The following ZBTB20 variants were observed in gnomAD, a reference collection of about 807,000 sequenced individuals.
ZBTB20 encodes zinc finger and BTB domain-containing protein 20.
Under a neutral mutation model 56.9 loss-of-function variants are expected in ZBTB20, and 9 were observed. The ratio of observed to expected loss-of-function variants is 0.16; its 90% CI spans 0.10 to 0.28. The LOEUF is 0.28. ZBTB20 is among the 10% of genes least tolerant of loss of function. ZBTB20 has a pLI of 1.00. For synonymous variants in ZBTB20, 417 were observed against 420.7 expected (o/e 0.99, Z 0.11); for missense variants, 655 against 1,003.0 (o/e 0.65, Z 4.69).
intron 6 of ZBTB20, among the ~76,000 whole-genome samples, chr3:114,527,660 T>C (rs2047380971): frequency 1.3e-5 from 2 of 152,228 alleles, no homozygotes; most frequent in Admixed American, 6.5e-5. Context: ...ACAGCTGTAC[T>C]GTATTTAACA....
intron 3 of ZBTB20, among the ~76,000 whole-genome samples, chr3:114,913,280 CG>C (rs1265933234): frequency 6.6e-6 from 1 of 151,948 alleles, no homozygotes; most frequent in Non-Finnish European, 1.5e-5. Context: ...GTCATTTTAA[CG>C]GGAGTTAGAT....
chr3:114,631,791 C>A (rs922221811), intron 6 of ZBTB20, among the ~76,000 whole-genome samples: 1 of 152,110 alleles, frequency 6.6e-6, no homozygotes. Context: ...AGAGAAGCAT[C>A]AATAAATGAC....
In ZBTB20 at chr3:114,451,358, G is replaced by T. The variant is rs568214846; in HGVS notation, c.-255+48994C>A. Among the ~76,000 whole-genome samples the T allele has an allele frequency of 5.3e-5, 8 of 152,194 alleles. No homozygotes were observed. The South Asian group carries it at 8.3e-4, about 16-fold the overall frequency. ...GCTGTGCATGCTGATGAAGGGGAGG[G>T]TTAAATTAAGGTGAGGGAGTGGGCC... is the stretch of plus-strand genomic sequence containing the variant. On this transcript the variant is annotated intron_variant, in intron 7 of 11. Coordinates refer to ENST00000675478, the MANE Select transcript of ZBTB20 (RefSeq NM_001348800.3).
intron 5 of ZBTB20, among the ~76,000 whole-genome samples, chr3:114,767,279 C>A (rs1176890159): frequency 1.3e-5 from 2 of 151,926 alleles, no homozygotes; most frequent in Non-Finnish European, 2.9e-5. Flanking sequence ...CCACTGATTT[C>A]TATGGATTTT....
At chr3:114,403,380 T>C (rs751536624) in intron 7 of ZBTB20, among the ~76,000 whole-genome samples, 31 of 152,228 alleles carry the variant, frequency 2.0e-4, no homozygotes, top group African/African-American at 6.0e-4. Flanking sequence ...TTGGTAATAA[T>C]TGGAACTGGT....
At chr3:114,611,841 A>G (rs2057577969) in intron 6 of ZBTB20, among the ~76,000 whole-genome samples, 2 of 125,192 alleles carry the variant, frequency 1.6e-5, no homozygotes, top group African/African-American at 6.6e-5. Context: ...CTTCTAAAAC[A>G]TGCCTTTCAT....
intron 6 of ZBTB20, among the ~76,000 whole-genome samples, chr3:114,643,783 G>A (rs2059686762): frequency 1.3e-5 from 2 of 152,054 alleles, no homozygotes; most frequent in Non-Finnish European, 2.9e-5. Context: ...TGGCATGACT[G>A]AAGTACAGTT....
rs777575102 is a variant in ZBTB20, at chr3:114,538,109, T to C, written c.-294-37718A>G. Among the ~76,000 whole-genome samples, 306 of 152,252 alleles carry C rather than the reference T, an allele frequency of 2.0e-3. 1 individual carries two copies. The highest frequency in any genetic ancestry group is 3.2e-3 in the Non-Finnish European group (221 of 68,020). Reference sequence around the variant, plus strand: ...AACAAACCTGCATGTTCTGCACATATATCCCAGAACTTAAAAGTATAATAA... The same window carrying C: ...AACAAACCTGCATGTTCTGCACATACATCCCAGAACTTAAAAGTATAATAA... On this transcript the variant is annotated intron_variant, in intron 6 of 11. Transcript: ENST00000675478.
At chr3:115,002,513 C>T (rs1471441173) in intron 2 of ZBTB20, among the ~76,000 whole-genome samples, 1 of 151,568 alleles carries the variant, frequency 6.6e-6, no homozygotes, top group Non-Finnish European at 1.5e-5. Flanking sequence ...AGAAAAACAA[C>T]TTGATTAAAA....
At chr3:115,048,889 C>T (rs542087342) in intron 2 of ZBTB20, among the ~76,000 whole-genome samples, 1 of 151,924 alleles carries the variant, frequency 6.6e-6, no homozygotes, top group Non-Finnish European at 1.5e-5. Context: ...GGATTTATAC[C>T]AATCCATGCA....
chr3:114,639,033 CA>C (rs1463250031), intron 6 of ZBTB20, among the ~76,000 whole-genome samples: 2 of 152,134 alleles, frequency 1.3e-5, no homozygotes, highest in East Asian at 3.9e-4. Context: ...TGATTCACCC[CA>C]ATGCTACAGG....
intron 5 of ZBTB20, among the ~76,000 whole-genome samples, chr3:114,737,866 A>G (rs1188156164): frequency 6.6e-6 from 1 of 152,178 alleles, no homozygotes; most frequent in Non-Finnish European, 1.5e-5. Context: ...TATTAAATGT[A>G]TATTGTTTCA....
chr3:114,669,414 A>C (rs1446855622), intron 6 of ZBTB20, among the ~76,000 whole-genome samples: 3 of 152,048 alleles, frequency 2.0e-5, no homozygotes, highest in Non-Finnish European at 4.4e-5. Flanking sequence ...ACAAATCTGG[A>C]TACCATACTA....
chr3:114,602,504 G>T (rs1268619147), intron 6 of ZBTB20, among the ~76,000 whole-genome samples: 1 of 151,840 alleles, frequency 6.6e-6, no homozygotes, highest in African/African-American at 2.4e-5. Context: ...CCTCTTTATT[G>T]TTCTCTAGTG....
At chr3:114,955,803 G>C (rs1218930769) in intron 3 of ZBTB20, among the ~76,000 whole-genome samples, 1 of 152,204 alleles carries the variant, frequency 6.6e-6, no homozygotes, top group South Asian at 2.1e-4. Context: ...AAATGGAGGT[G>C]GGGGGTGTAC....
intron 3 of ZBTB20, among the ~76,000 whole-genome samples, chr3:114,934,770 TA>T (rs1319562603): frequency 6.6e-6 from 1 of 152,200 alleles, no homozygotes; most frequent in Non-Finnish European, 1.5e-5. Flanking sequence ...ATTGTTCAGT[TA>T]AAACTTGTTG....
intron 7 of ZBTB20, among the ~76,000 whole-genome samples, chr3:114,433,814 C>A (rs554889929): frequency 4.3e-4 from 65 of 152,238 alleles, no homozygotes; most frequent in African/African-American, 1.4e-3. Context: ...GTCCTCCTGG[C>A]TATAGAACCA....
At chr3:114,745,382 T>C (rs1335619335) in intron 5 of ZBTB20, among the ~76,000 whole-genome samples, 1 of 152,152 alleles carries the variant, frequency 6.6e-6, no homozygotes, top group Admixed American at 6.6e-5. Context: ...TACTCTCCTT[T>C]GGAAGAGACT....
At chr3:115,068,021 G>T (rs1417462060) in intron 2 of ZBTB20, among the ~76,000 whole-genome samples, 4 of 152,022 alleles carry the variant, frequency 2.6e-5, no homozygotes. Flanking sequence ...ACTGAAACTG[G>T]TTCTTTTCTC....
Sources: allele counts gnomAD v4.1 joint callset (sites outside exome capture counted in the v4.1 genomes callset), GRCh38; gene constraint gnomAD v4.1.1; transcripts MANE v1.5; gene names NCBI Gene and HGNC (gene_info 2026-07-23, HGNC 2026-07-21).